Variants in CASP10 observed in about 807,000 individuals in gnomAD.
CASP10 encodes caspase-10.
In CASP10, 41 loss-of-function variants were observed where a neutral mutation model predicts 48.5. The ratio of observed to expected loss-of-function variants is 0.85; its 90% CI spans 0.66 to 1.10. CASP10 has a LOEUF of 1.10. Ranked by LOEUF, CASP10 falls within the 50% of genes least tolerant of loss-of-function variation. CASP10 has a pLI of 0.00. For missense variants in CASP10, 614 were observed against 614.5 expected (o/e 1.00, Z 0.01); for synonymous variants, 232 against 238.4 (o/e 0.97, Z 0.25).
rs1559309861 is a variant in CASP10, at chr2:201,209,531, C to T, written c.1384C>T (p.Leu462=). 6 of 1,612,018 alleles carry T rather than the reference C, an allele frequency of 3.7e-6. No homozygotes were observed. The highest frequency in any genetic ancestry group is 2.2e-5 in the South Asian group (2 of 90,620). ...VEEGSWYIQS[L]CNHLKKLVPR... ...GGAAGGCAGCTGGTATATTCAGTCT[C>T]TGTGTAATCATCTGAAGAAATTGGT... The change falls in exon 9 of 10, where the codon CTG becomes TTG. Residue 462 remains leucine, a synonymous_variant. Coordinates refer to ENST00000286186, the MANE Select transcript of CASP10 (RefSeq NM_032977.4).
At chr2:201,202,586 C>T (rs1476269464) in intron 5 of CASP10, among the ~76,000 whole-genome samples, 3 of 152,146 alleles carry the variant, frequency 2.0e-5, no homozygotes, top group Non-Finnish European at 4.4e-5. Context: ...CTGGCCAGGC[C>T]CTTGTCTGCC....
chr2:201,214,700 A>G (rs1239057909), intron 9 of CASP10: 1 of 152,142 alleles, frequency 6.6e-6, no homozygotes, highest in African/African-American at 2.4e-5. Context: ...TAAGCCATAT[A>G]TGTTGGAAAT....
At chr2:201,215,543 T>C (rs1198158768) in intron 9 of CASP10, among the ~76,000 whole-genome samples, 1 of 152,182 alleles carries the variant, frequency 6.6e-6, no homozygotes, top group East Asian at 1.9e-4. Context: ...TGGGCACCTT[T>C]GTCAAAAATC....
At chr2:201,183,852 CTTCCTTTA>C (rs1218984128) in intron 1 of CASP10, among the ~76,000 whole-genome samples, 2 of 139,828 alleles carry the variant, frequency 1.4e-5, no homozygotes, top group African/African-American at 2.8e-5. Context: ...CTGTGTCTTC[CTTCCTTTA>C]TTTATTTATT....
chr2:201,198,520 C>T (rs140233668), intron 5 of CASP10, among the ~76,000 whole-genome samples: 8,765 of 145,966 alleles, frequency 0.06, 895 homozygotes, highest in African/African-American at 0.21. Context: ...CCACCGTACC[C>T]GGCCTTTATT....
At chr2:201,192,726 T>C (rs927325306) in intron 3 of CASP10, among the ~76,000 whole-genome samples, 3 of 152,214 alleles carry the variant, frequency 2.0e-5, no homozygotes, top group African/African-American at 7.2e-5. Flanking sequence ...TATTCAGTTG[T>C]TGTGCTGTTA....
chr2:201,191,622 C>T (rs185083593), intron 3 of CASP10, among the ~76,000 whole-genome samples: 58 of 152,322 alleles, frequency 3.8e-4, no homozygotes, highest in African/African-American at 1.3e-3. Flanking sequence ...AAATTACTTA[C>T]CCACCATTGG....
chr2:201,194,923 C>T (rs1363079253), intron 4 of CASP10, among the ~76,000 whole-genome samples: 5 of 151,444 alleles, frequency 3.3e-5, no homozygotes, highest in African/African-American at 4.9e-5. Context: ...GGACTACAAG[C>T]GCCTGCCACC....
chr2:201,199,330 A>G (rs1944926672), intron 5 of CASP10, among the ~76,000 whole-genome samples: 1 of 152,044 alleles, frequency 6.6e-6, no homozygotes. Flanking sequence ...ACCATCTAGT[A>G]CAAAATTCCA....
At chr2:201,207,516 T>C (rs1945244192) in intron 7 of CASP10, among the ~76,000 whole-genome samples, 1 of 151,996 alleles carries the variant, frequency 6.6e-6, no homozygotes, top group Non-Finnish European at 1.5e-5. Flanking sequence ...CCCAGCACTT[T>C]GGGAGGACGA....
At chr2:201,198,697 C>T (rs1396999681) in intron 5 of CASP10, among the ~76,000 whole-genome samples, 8 of 151,812 alleles carry the variant, frequency 5.3e-5, no homozygotes, top group Admixed American at 4.6e-4. Flanking sequence ...CCCGCCACCA[C>T]GCCTGGCTAA....
In CASP10 at chr2:201,209,495, C is replaced by A; in HGVS notation, c.1348C>A (p.Arg450=). ...CACTGTCCCAGGCTATGTATCCTTT[C>A]GGCATGTGGAGGAAGGCAGCTGGTA... ...LATVPGYVSF[R]HVEEGSWYIQ... Residue 450 remains arginine (R), a synonymous_variant, in exon 9 of 10, where the codon CGG becomes AGG. Coordinates refer to ENST00000286186, the MANE Select transcript of CASP10 (RefSeq NM_032977.4). 6.2e-7 allele frequency: 1 copy of A among 1,613,608 alleles called. No individual in the cohort carries two copies. Among genetic ancestry groups the A allele is most frequent in the South Asian group, 1.1e-5 (1 of 91,008 alleles).
At chr2:201,228,111 A>G (rs1053922614) in intron 9 of CASP10, among the ~76,000 whole-genome samples, 1 of 152,146 alleles carries the variant, frequency 6.6e-6, no homozygotes, top group Non-Finnish European at 1.5e-5. Flanking sequence ...CAAGGCAGGC[A>G]TATCACTTGA....
intron 8 of CASP10, chr2:201,208,503 T>G (rs1945284100): frequency 3.3e-6 from 1 of 300,972 alleles, no homozygotes; most frequent in African/African-American, 2.3e-5. Flanking sequence ...GACCTTGGCT[T>G]CTTCAACTGT....
intron 1 of CASP10, among the ~76,000 whole-genome samples, 182 bp from the exon 2 acceptor site, chr2:201,185,589 G>C (rs1297475757): frequency 6.6e-6 from 1 of 152,126 alleles, no homozygotes; most frequent in African/African-American, 2.4e-5. Context: ...CAAGTGTTGG[G>C]GAAAAGTTTT....
At chr2:201,208,403 G>C (rs1478104848) in intron 8 of CASP10, 1 of 984,376 alleles carries the variant, frequency 1.0e-6, no homozygotes, top group Non-Finnish European at 1.2e-6. Flanking sequence ...GCATGTACTG[G>C]GGGAGAGCCT....
Position 201,219,486 on chromosome 2 carries a change from AGACTGCAGTG to A in CASP10, c.*1749_*1758del. Reference sequence around the variant, plus strand: ...TGTCCTCAGGGCTGGCAGATGCAGTAGACTGCAGTGGACAGTCCCCACCTTGTTACTGCTA... The same window carrying A: ...TGTCCTCAGGGCTGGCAGATGCAGTAGACAGTCCCCACCTTGTTACTGCTA... On this transcript the variant is annotated 3_prime_UTR_variant, in exon 10 of 10. Transcript: ENST00000286186. The A allele has an allele frequency of 2.0e-6, 2 of 985,482 alleles. No homozygotes were observed. The highest frequency in any genetic ancestry group is 2.4e-6 in the Non-Finnish European group (2 of 829,980). 61.0% of individuals were successfully genotyped at this position (985,482 alleles called of 1,614,324 possible).
Position 201,218,416 on chromosome 2 carries a change from C to T in CASP10, c.*675C>T. The T allele has an allele frequency of 1.3e-6, 1 of 788,660 alleles. No homozygotes were observed. Among genetic ancestry groups the T allele is most frequent in the South Asian group, 5.7e-5 (1 of 17,414 alleles). The allele number at this position is 788,660 out of a possible 1,614,324, so 48.9% of individuals were successfully genotyped here. A position where few individuals can be genotyped will look rare whatever the true frequency, so the allele number is the denominator to read the frequency against. On this transcript the variant is annotated 3_prime_UTR_variant, in exon 10 of 10. Coordinates refer to ENST00000286186, the MANE Select transcript of CASP10 (RefSeq NM_032977.4). ...CTCCCAGGTTCAAGCGATCCTCCCA[C>T]CTCAGCCTCCCAAGTAGCTGAGACT...
At position 201,217,660 on chromosome 2, in the gene CASP10, A is replaced by G; in HGVS notation, c.1488A>G (p.Thr496=). The G allele has an allele frequency of 6.2e-7, 1 of 1,614,214 alleles. No homozygotes were observed. The highest frequency in any genetic ancestry group is 8.5e-7 in the Non-Finnish European group (1 of 1,180,032). Residue 496 remains threonine, a synonymous_variant, in exon 10 of 10, where the codon ACA becomes ACG. Transcript: ENST00000286186. Reference sequence around the variant, plus strand: ...GTCGAAGAGTGGACAAACAGGGAACAAAGAAACAGATGCCCCAGCCTGCTT... The same window carrying G: ...GTCGAAGAGTGGACAAACAGGGAACGAAGAAACAGATGCCCCAGCCTGCTT... The part of the protein sequence containing the change: ...DVSRRVDKQG[T]KKQMPQPAFT...
Sources: gnomAD v4.1 joint callset for allele counts (sites outside exome capture counted in the v4.1 genomes callset) on GRCh38, gnomAD v4.1.1 for gene constraint, MANE v1.5 for transcripts, NCBI Gene and HGNC (gene_info 2026-07-23, HGNC 2026-07-21) for gene names.